The following FGF7 variants were observed in gnomAD, a reference collection of about 807,000 sequenced individuals.
The protein encoded by FGF7 is FGF-7.
In FGF7, 6 loss-of-function variants were observed where a neutral mutation model predicts 20.5. The observed-to-expected ratio is 0.29, with a 90% CI of 0.16 to 0.58. FGF7 has a LOEUF of 0.58. FGF7 is among the 20% of genes least tolerant of loss of function. The probability of loss-of-function intolerance (pLI) is 0.90; values close to 1 mark genes in which losing one functional copy is unlikely to be tolerated. For synonymous variants in FGF7, 64 were observed against 74.7 expected (o/e 0.86, Z 0.74); for missense variants, 144 against 228.8 (o/e 0.63, Z 2.39).
chr15:49,473,393 T>C (rs926878992), intron 2 of FGF7, among the ~76,000 whole-genome samples: 2 of 152,180 alleles, frequency 1.3e-5, no homozygotes, highest in Non-Finnish European at 2.9e-5. Flanking sequence ...AAGCATAAAA[T>C]AACTCCAAAA....
intron 2 of FGF7, among the ~76,000 whole-genome samples, chr15:49,433,156 A>G (rs2050764820): frequency 6.6e-6 from 1 of 151,448 alleles, no homozygotes; most frequent in Non-Finnish European, 1.5e-5. Context: ...TTCTTCAAAG[A>G]AATCAATTAT....
chr15:49,480,234 A>G (rs1287875616), intron 2 of FGF7, among the ~76,000 whole-genome samples: 1 of 152,190 alleles, frequency 6.6e-6, no homozygotes, highest in Non-Finnish European at 1.5e-5. Flanking sequence ...GAATCTTTAC[A>G]AAGAATTTTT....
intron 2 of FGF7, among the ~76,000 whole-genome samples, chr15:49,461,550 CTT>C (rs1488082837): frequency 3.3e-5 from 5 of 152,184 alleles, no homozygotes; most frequent in Non-Finnish European, 7.3e-5. Context: ...TTGTCTATCT[CTT>C]TGAAAGAGCC....
intron 2 of FGF7, among the ~76,000 whole-genome samples, chr15:49,433,068 A>G (rs1262267638): frequency 6.6e-6 from 1 of 151,336 alleles, no homozygotes. Context: ...GAAATGTTTC[A>G]TTTACTGGCT....
At chr15:49,471,560 GAAGA>G (rs1289030794) in intron 2 of FGF7, among the ~76,000 whole-genome samples, 1 of 150,620 alleles carries the variant, frequency 6.6e-6, no homozygotes, top group Non-Finnish European at 1.5e-5. Context: ...TTTATATACA[GAAGA>G]AAGATGACAG....
In FGF7 at chr15:49,486,720, T is replaced by C. The variant is rs1183333070; in HGVS notation, c.*2216T>C. 6.6e-6 allele frequency: 1 copy of C among 151,962 alleles called. No homozygotes were observed. Among genetic ancestry groups the C allele is most frequent in the Non-Finnish European group, 1.5e-5 (1 of 67,896 alleles). 9.4% of individuals were successfully genotyped at this position (151,962 alleles called of 1,614,324 possible). A position where few individuals can be genotyped will look rare whatever the true frequency, so the allele number is the denominator to read the frequency against. On this transcript the variant is annotated 3_prime_UTR_variant, in exon 4 of 4. Coordinates refer to ENST00000267843, the MANE Select transcript of FGF7 (RefSeq NM_002009.4). ...TGAATTAGGCAAAACCAACATTTAG[T>C]GGTAAATCCATTCCTGGTAGTATAA... is the stretch of plus-strand genomic sequence containing the variant.
At chr15:49,443,601 C>T (rs1298125021) in intron 2 of FGF7, among the ~76,000 whole-genome samples, 1 of 151,664 alleles carries the variant, frequency 6.6e-6, no homozygotes, top group Non-Finnish European at 1.5e-5. Context: ...TTTCTAGTAT[C>T]TCTAAAAACT....
At chr15:49,476,217 GT>G (rs938833498) in intron 2 of FGF7, among the ~76,000 whole-genome samples, 3 of 100,564 alleles carry the variant, frequency 3.0e-5, no homozygotes, top group East Asian at 3.0e-4. Flanking sequence ...TTGCTGTTTT[GT>G]TTTTTTGTTT....
At chr15:49,452,797 C>T (rs1170930617) in intron 2 of FGF7, among the ~76,000 whole-genome samples, 1 of 152,090 alleles carries the variant, frequency 6.6e-6, no homozygotes, top group Non-Finnish European at 1.5e-5. Flanking sequence ...ATATGTGAAT[C>T]ACAGCACAGG....
At chr15:49,433,933 G>C (rs747213284) in intron 2 of FGF7, among the ~76,000 whole-genome samples, 1 of 151,704 alleles carries the variant, frequency 6.6e-6, no homozygotes, top group Non-Finnish European at 1.5e-5. Flanking sequence ...AGCTATACTA[G>C]AAAACAAGCA....
chr15:49,427,171 C>G (rs1221195490), intron 2 of FGF7, among the ~76,000 whole-genome samples: 1 of 151,910 alleles, frequency 6.6e-6, no homozygotes, highest in Non-Finnish European at 1.5e-5. Context: ...TGCTAATTGA[C>G]ACATGTGAAG....
intron 2 of FGF7, among the ~76,000 whole-genome samples, chr15:49,437,026 C>T (rs1199244095): frequency 6.6e-6 from 1 of 151,558 alleles, no homozygotes; most frequent in Non-Finnish European, 1.5e-5. Context: ...TTTGCTTACA[C>T]ATTGCTAAGA....
At chr15:49,437,710 T>C (rs1206172625) in intron 2 of FGF7, among the ~76,000 whole-genome samples, 2 of 151,700 alleles carry the variant, frequency 1.3e-5, no homozygotes, top group Admixed American at 1.3e-4. Context: ...ATTGCAATAT[T>C]TACTGAGCAT....
chr15:49,448,595 T>C (rs1293247765), intron 2 of FGF7, among the ~76,000 whole-genome samples: 1 of 151,722 alleles, frequency 6.6e-6, no homozygotes, highest in Non-Finnish European at 1.5e-5. Context: ...TTCTGGTTAT[T>C]CTCTTCACTT....
At chr15:49,465,076 C>T (rs1206736347) in intron 2 of FGF7, among the ~76,000 whole-genome samples, 1 of 151,984 alleles carries the variant, frequency 6.6e-6, no homozygotes, top group Non-Finnish European at 1.5e-5. Context: ...TGGATAAGAA[C>T]AGAGGCTTGG....
At chr15:49,454,389 T>A (rs1463242527) in intron 2 of FGF7, among the ~76,000 whole-genome samples, 1 of 152,098 alleles carries the variant, frequency 6.6e-6, no homozygotes, top group Non-Finnish European at 1.5e-5. Flanking sequence ...TCATCCTAGG[T>A]AAAAATCCTG....
chr15:49,445,296 A>T (rs749866459), intron 2 of FGF7, among the ~76,000 whole-genome samples: 1 of 151,604 alleles, frequency 6.6e-6, no homozygotes, highest in African/African-American at 2.4e-5. Flanking sequence ...AGTAGTTCCC[A>T]GTTTGTATTG....
chr15:49,428,122 A>G (rs2050283388), intron 2 of FGF7, among the ~76,000 whole-genome samples: 1 of 151,966 alleles, frequency 6.6e-6, no homozygotes, highest in Non-Finnish European at 1.5e-5. Flanking sequence ...AGAGGCCAAG[A>G]GATACTGGAC....
intron 2 of FGF7, among the ~76,000 whole-genome samples, chr15:49,451,891 G>C (rs75474850): frequency 6.6e-6 from 1 of 152,064 alleles, no homozygotes; most frequent in Non-Finnish European, 1.5e-5. Flanking sequence ...TTTACATGCG[G>C]TTCTTCCAGT....
Sources: gnomAD v4.1 joint callset for allele counts (sites outside exome capture counted in the v4.1 genomes callset) on GRCh38, gnomAD v4.1.1 for gene constraint, MANE v1.5 for transcripts, NCBI Gene and HGNC (gene_info 2026-07-23, HGNC 2026-07-21) for gene names.